The following TSHZ2 variants were observed in gnomAD, a reference collection of about 807,000 sequenced individuals.
TSHZ2 encodes teashirt homolog 2.
In TSHZ2, 21 loss-of-function variants were observed where a neutral mutation model predicts 74.4. The observed-to-expected ratio is 0.28, with a 90% CI of 0.20 to 0.41. TSHZ2 has a LOEUF of 0.41. TSHZ2 is among the 10% of genes least tolerant of loss of function. The probability of loss-of-function intolerance (pLI) is 1.00; values close to 1 mark genes in which losing one functional copy is unlikely to be tolerated. For synonymous variants in TSHZ2, 540 were observed against 515.3 expected (o/e 1.05, Z -0.65); for missense variants, 1,244 against 1,293.5 (o/e 0.96, Z 0.59).
chr20:53,391,141 T>TTTTGTTTTGC (rs1754480558), intron 2 of TSHZ2, among the ~76,000 whole-genome samples: 1 of 149,488 alleles, frequency 6.7e-6, no homozygotes, highest in Admixed American at 6.6e-5. Context: ...TTTTGTTTTG[T>TTTTGTTTTGC]TTTGTTTTGT....
At chr20:53,266,059 G>A (rs1990710341) in intron 2 of TSHZ2, among the ~76,000 whole-genome samples, 2 of 152,168 alleles carry the variant, frequency 1.3e-5, no homozygotes, top group Admixed American at 1.3e-4. Context: ...TTTGGCCACA[G>A]CTACACCAGT....
chr20:53,448,998 T>C (rs1385158976), intron 2 of TSHZ2, among the ~76,000 whole-genome samples: 3 of 152,124 alleles, frequency 2.0e-5, no homozygotes, highest in African/African-American at 7.2e-5. Context: ...AAGATGTATA[T>C]AATCATCACC....
chr20:53,277,629 C>T (rs1225616085), intron 2 of TSHZ2, among the ~76,000 whole-genome samples: 1 of 152,184 alleles, frequency 6.6e-6, no homozygotes, highest in East Asian at 1.9e-4. Flanking sequence ...CAAACGTGGA[C>T]CAGCTCCAGG....
intron 1 of TSHZ2, among the ~76,000 whole-genome samples, chr20:53,011,339 A>G (rs1982842143): frequency 6.6e-6 from 1 of 152,214 alleles, no homozygotes; most frequent in South Asian, 2.1e-4. Context: ...CGAGAATCTC[A>G]CTTTTAATGC....
chr20:53,048,309 G>GGGGA lies in TSHZ2; in HGVS notation c.40+74977_40+74978insGGAG, dbSNP rs1345076336. Among the ~76,000 whole-genome samples the GGGGA allele has an allele frequency of 3.9e-3, 583 of 149,854 alleles. 5 individuals carry two copies. Among genetic ancestry groups the GGGGA allele is most frequent in the African/African-American group, 0.014 (558 of 40,946 alleles). ...TACTTACATTTTTAAAAGAAGGGGA[G>GGGGA]GAGAGAGAGAGAGAGAGAGCAAAAT... On this transcript the variant is annotated intron_variant, in intron 1 of 2. Coordinates refer to ENST00000371497, the MANE Select transcript of TSHZ2 (RefSeq NM_173485.6).
At chr20:53,049,731 G>A in intron 1 of TSHZ2, among the ~76,000 whole-genome samples, 1 of 152,000 alleles carries the variant, frequency 6.6e-6, no homozygotes, top group Non-Finnish European at 1.5e-5. Flanking sequence ...GAAAGAAATG[G>A]TGAATGAAGC....
intron 1 of TSHZ2, among the ~76,000 whole-genome samples, chr20:53,024,152 T>C (rs1568724445): frequency 6.6e-6 from 1 of 152,078 alleles, no homozygotes; most frequent in Non-Finnish European, 1.5e-5. Flanking sequence ...AACCAGAGTG[T>C]ATGGCTTGAT....
chr20:53,126,253 C>T (rs757785952), intron 1 of TSHZ2, among the ~76,000 whole-genome samples: 7 of 152,212 alleles, frequency 4.6e-5, no homozygotes, highest in African/African-American at 4.8e-5. Flanking sequence ...AGAGAGCCAG[C>T]GCTTCCTATG....
chr20:53,390,033 T>C (rs1982193250), intron 2 of TSHZ2, among the ~76,000 whole-genome samples: 1 of 152,232 alleles, frequency 6.6e-6, no homozygotes, highest in African/African-American at 2.4e-5. Context: ...TTGGAATCCC[T>C]GTTCCTTTTG....
chr20:53,145,944 CTT>C (rs1398741047), intron 1 of TSHZ2, among the ~76,000 whole-genome samples: 3 of 152,114 alleles, frequency 2.0e-5, no homozygotes, highest in African/African-American at 7.2e-5. Context: ...TGAGAAAAAA[CTT>C]AAGAGTTGGG....
intron 2 of TSHZ2, among the ~76,000 whole-genome samples, chr20:53,468,369 G>A (rs1164114699): frequency 1.3e-5 from 2 of 152,226 alleles, no homozygotes; most frequent in East Asian, 3.9e-4. Flanking sequence ...GTGCTTTATG[G>A]AAAAGATTTT....
chr20:53,252,127 ATATTCTT>A (rs2123716817), intron 1 of TSHZ2, among the ~76,000 whole-genome samples: 1 of 152,314 alleles, frequency 6.6e-6, no homozygotes, highest in African/African-American at 2.4e-5. Context: ...TGCTCAATAA[ATATTCTT>A]TATCTTCAGC....
intron 1 of TSHZ2, among the ~76,000 whole-genome samples, chr20:53,122,703 G>A (rs531492851): frequency 4.1e-4 from 62 of 152,166 alleles, no homozygotes; most frequent in Non-Finnish European, 7.5e-4. Flanking sequence ...ATATTTTTCG[G>A]CAAGGCTGCC....
In TSHZ2 at chr20:53,254,497, CAGA is replaced by C. The variant is rs1568836809; in HGVS notation, c.1044_1046del (p.Lys348del). 1.9e-6 allele frequency: 3 copies of C among 1,614,086 alleles called. No homozygotes were observed. Among genetic ancestry groups the C allele is most frequent in the Middle Eastern group, 1.6e-4 (1 of 6,062 alleles). On this transcript the variant is annotated inframe_deletion, in exon 2 of 3. Coordinates refer to ENST00000371497, the MANE Select transcript of TSHZ2 (RefSeq NM_173485.6). ...ATCTTTTGCAGATTCTTTTTCTTCT[CAGA>C]AGAACGCCAACTTGCAGTTGTCCTC...
chr20:53,142,959 CTG>C (rs1251707868), intron 1 of TSHZ2, among the ~76,000 whole-genome samples: 1 of 152,126 alleles, frequency 6.6e-6, no homozygotes, highest in Non-Finnish European at 1.5e-5. Flanking sequence ...ATTGCTTGAA[CTG>C]TGTCAGATCG....
At chr20:53,339,084 G>A (rs1303021415) in intron 2 of TSHZ2, among the ~76,000 whole-genome samples, 14 of 152,170 alleles carry the variant, frequency 9.2e-5, no homozygotes, top group Admixed American at 6.5e-4. Context: ...CACCAAACTA[G>A]CCATGTCACA....
At chr20:53,186,916 A>G (rs1002003409) in intron 1 of TSHZ2, among the ~76,000 whole-genome samples, 5 of 151,994 alleles carry the variant, frequency 3.3e-5, no homozygotes, top group African/African-American at 1.2e-4. Context: ...ATATATATAT[A>G]TATTTTGGGG....
At chr20:53,243,149 G>T (rs1255679750) in intron 1 of TSHZ2, among the ~76,000 whole-genome samples, 1 of 151,934 alleles carries the variant, frequency 6.6e-6, no homozygotes, top group African/African-American at 2.4e-5. Context: ...TAGACTAAAA[G>T]GAAAGACTTA....
intron 1 of TSHZ2, among the ~76,000 whole-genome samples, chr20:53,250,976 A>G (rs1030241152): frequency 1.3e-5 from 2 of 151,864 alleles, no homozygotes; most frequent in Non-Finnish European, 2.9e-5. Context: ...TATTTCATCA[A>G]TGTACACACA....
Sources: gnomAD v4.1 joint callset for allele counts (sites outside exome capture counted in the v4.1 genomes callset) on GRCh38, gnomAD v4.1.1 for gene constraint, MANE v1.5 for transcripts, NCBI Gene and HGNC (gene_info 2026-07-23, HGNC 2026-07-21) for gene names.